Variants in TAFA1 observed in about 807,000 individuals in gnomAD.
The protein encoded by TAFA1 is chemokine-like protein TAFA-1.
TAFA1 carries 4 observed loss-of-function variants against 18.5 expected under a neutral mutation model. The ratio of observed to expected loss-of-function variants is 0.22; its 90% CI spans 0.11 to 0.49. The LOEUF (loss-of-function observed/expected upper bound fraction) is 0.49, where lower values mean the gene tolerates loss of function less well. Among genes scored for constraint, TAFA1 ranks in the 20% least tolerant of loss-of-function variants. TAFA1 has a pLI of 0.98. For missense variants in TAFA1, 147 were observed against 169.0 expected (o/e 0.87, Z 0.72); for synonymous variants, 56 against 55.2 (o/e 1.01, Z -0.06).
intron 2 of TAFA1, among the ~76,000 whole-genome samples, chr3:68,328,934 G>A (rs1027971940): frequency 4.0e-5 from 6 of 151,634 alleles, no homozygotes; most frequent in Non-Finnish European, 7.4e-5. Flanking sequence ...CAAATAGGAA[G>A]GCAAAAACAA....
intron 2 of TAFA1, among the ~76,000 whole-genome samples, chr3:68,037,866 CG>C (rs1705085033): frequency 6.6e-6 from 1 of 152,146 alleles, no homozygotes; most frequent in South Asian, 2.1e-4. Flanking sequence ...CATATTTTCA[CG>C]GCATGCCATT....
chr3:68,409,778 G>C (rs994433648), intron 2 of TAFA1, among the ~76,000 whole-genome samples: 4 of 152,060 alleles, frequency 2.6e-5, no homozygotes, highest in African/African-American at 9.7e-5. Flanking sequence ...CCAGTTTGTA[G>C]CCCAGAGTGA....
At chr3:68,413,958 A>G (rs1160596700) in intron 2 of TAFA1, among the ~76,000 whole-genome samples, 1 of 152,140 alleles carries the variant, frequency 6.6e-6, no homozygotes, top group Non-Finnish European at 1.5e-5. Flanking sequence ...GTGCTCATGC[A>G]GTAACCGTCA....
chr3:68,401,380 T>C (rs919187014), intron 2 of TAFA1, among the ~76,000 whole-genome samples: 1 of 152,186 alleles, frequency 6.6e-6, no homozygotes, highest in African/African-American at 2.4e-5. Context: ...TCATGGCTCT[T>C]TGTATTGTGA....
Position 68,150,028 on chromosome 3 carries a change from T to C in TAFA1, c.118+143284T>C, listed in dbSNP as rs181407708. Reference sequence around the variant, plus strand: ...GGTAATGAAGCAAGGTCTCTTGTGCTGAGAGGCAAATACTGTAATCATCTG... The same window carrying C: ...GGTAATGAAGCAAGGTCTCTTGTGCCGAGAGGCAAATACTGTAATCATCTG... On this transcript the variant is annotated intron_variant, in intron 2 of 4. Transcript: ENST00000478136. 1.9e-4 allele frequency among the ~76,000 whole-genome samples: 29 copies of C among 152,338 alleles called. No homozygotes were observed. The East Asian group carries it at 4.2e-3, about 22-fold the overall frequency.
At chr3:68,254,490 A>G (rs1293845675) in intron 2 of TAFA1, among the ~76,000 whole-genome samples, 1 of 152,048 alleles carries the variant, frequency 6.6e-6, no homozygotes, top group Non-Finnish European at 1.5e-5. Context: ...ATTTGCATTA[A>G]TCTCTGAAAT....
intron 2 of TAFA1, among the ~76,000 whole-genome samples, chr3:68,275,411 C>T (rs1242180995): frequency 1.3e-5 from 2 of 151,320 alleles, no homozygotes; most frequent in Non-Finnish European, 2.9e-5. Flanking sequence ...ACCAGTGTGG[C>T]TGGAAAGGAG....
chr3:68,112,455 T>C (rs2065273247), intron 2 of TAFA1, among the ~76,000 whole-genome samples: 1 of 152,294 alleles, frequency 6.6e-6, no homozygotes, highest in Admixed American at 6.5e-5. Flanking sequence ...TAAAAGTTCT[T>C]ACTAATCAAC....
At chr3:68,196,238 T>C (rs1345895643) in intron 2 of TAFA1, among the ~76,000 whole-genome samples, 1 of 151,790 alleles carries the variant, frequency 6.6e-6, no homozygotes, top group African/African-American at 2.4e-5. Flanking sequence ...TCAAAAGTGG[T>C]AAAATGGAAA....
At chr3:68,275,015 AAG>A (rs1280054449) in intron 2 of TAFA1, among the ~76,000 whole-genome samples, 1 of 152,144 alleles carries the variant, frequency 6.6e-6, no homozygotes, top group Non-Finnish European at 1.5e-5. Flanking sequence ...GCAGGCAAAA[AAG>A]AGATAAGTTA....
intron 3 of TAFA1, among the ~76,000 whole-genome samples, chr3:68,488,731 A>G (rs891122283): frequency 6.6e-6 from 1 of 152,200 alleles, no homozygotes; most frequent in Non-Finnish European, 1.5e-5. Context: ...CTGCAATATG[A>G]TGAGTGCTCA....
At chr3:68,034,992 C>T (rs192948096) in intron 2 of TAFA1, among the ~76,000 whole-genome samples, 17 of 152,296 alleles carry the variant, frequency 1.1e-4, no homozygotes, top group Admixed American at 9.2e-4. Context: ...AAGATCCTGG[C>T]TTTGGGTCAC....
intron 3 of TAFA1, among the ~76,000 whole-genome samples, chr3:68,521,485 C>T (rs1559703882): frequency 6.6e-6 from 1 of 151,952 alleles, no homozygotes. Context: ...CCTCACGAAG[C>T]GTACAGCTTA....
intron 2 of TAFA1, among the ~76,000 whole-genome samples, chr3:68,029,909 G>C (rs1012187449): frequency 6.6e-6 from 1 of 152,102 alleles, no homozygotes; most frequent in Non-Finnish European, 1.5e-5. Flanking sequence ...GGTATGGGAC[G>C]ATAGTTAAGA....
intron 2 of TAFA1, among the ~76,000 whole-genome samples, chr3:68,110,803 A>G (rs2065254011): frequency 6.6e-6 from 1 of 152,112 alleles, no homozygotes; most frequent in African/African-American, 2.4e-5. Flanking sequence ...AGTAATTTTG[A>G]TAGCTCATAG....
upstream of TAFA1, among the ~76,000 whole-genome samples, chr3:67,999,404 C>G (rs1053357096): frequency 1.3e-5 from 2 of 152,072 alleles, no homozygotes; most frequent in Non-Finnish European, 2.9e-5. Context: ...TAATTTACCA[C>G]GTTCCCTTGA....
At chr3:68,320,410 C>T (rs2068681312) in intron 2 of TAFA1, among the ~76,000 whole-genome samples, 2 of 152,166 alleles carry the variant, frequency 1.3e-5, no homozygotes, top group Non-Finnish European at 2.9e-5. Flanking sequence ...GCTCTTGTGC[C>T]AGCTGGATCT....
At chr3:68,456,745 G>A (rs79221832) in intron 3 of TAFA1, among the ~76,000 whole-genome samples, 36 of 152,188 alleles carry the variant, frequency 2.4e-4, no homozygotes, top group East Asian at 2.3e-3. Flanking sequence ...AAGCTTTTGC[G>A]CCTGCTGGCA....
chr3:68,328,184 T>G (rs6783358), intron 2 of TAFA1, among the ~76,000 whole-genome samples: 31,002 of 152,082 alleles, frequency 0.2, 3,252 homozygotes, highest in Admixed American at 0.23. Context: ...ATTTTCTACA[T>G]GCCTGGTTTT....
Sources: allele counts gnomAD v4.1 joint callset (sites outside exome capture counted in the v4.1 genomes callset), GRCh38; gene constraint gnomAD v4.1.1; transcripts MANE v1.5; gene names NCBI Gene and HGNC (gene_info 2026-07-23, HGNC 2026-07-21).